The following PLEKHA5 variants were observed in gnomAD, a reference collection of about 807,000 sequenced individuals.
PLEKHA5 encodes the protein pleckstrin homology domain-containing family A member 5.
In PLEKHA5, 55 loss-of-function variants were observed where a neutral mutation model predicts 181.9. The ratio of observed to expected loss-of-function variants is 0.30; its 90% CI spans 0.24 to 0.38. The LOEUF (loss-of-function observed/expected upper bound fraction) is 0.38, where lower values mean the gene tolerates loss of function less well. Ranked by LOEUF, PLEKHA5 falls within the 10% of genes least tolerant of loss-of-function variation. The pLI, the probability that PLEKHA5 is intolerant of heterozygous loss-of-function variation, is 1.00. For synonymous variants in PLEKHA5, 535 were observed against 529.4 expected, an observed-to-expected ratio of 1.01 and a Z score of -0.15; for missense variants, 1,432 against 1,549.5, an observed-to-expected ratio of 0.92 and a Z score of 1.27.
chr12:19,306,854 C>T (rs987791452), intron 15 of PLEKHA5: 1 of 791,092 alleles, frequency 1.3e-6, no homozygotes, highest in Non-Finnish European at 2.2e-6. Flanking sequence ...TGATAACGTA[C>T]CATATGCAGA....
chr12:19,158,580 C>G (rs1167306195), intron 3 of PLEKHA5, among the ~76,000 whole-genome samples: 1 of 152,078 alleles, frequency 6.6e-6, no homozygotes, highest in Non-Finnish European at 1.5e-5. Flanking sequence ...AACAAAAAAG[C>G]ACTAGTACCT....
chr12:19,156,920 G>A (rs1304223862), intron 3 of PLEKHA5, among the ~76,000 whole-genome samples: 2 of 151,464 alleles, frequency 1.3e-5, no homozygotes, highest in African/African-American at 4.8e-5. Flanking sequence ...AATTAGCTGG[G>A]CATGGTGGCA....
rs975550019 is a variant in PLEKHA5 at position 19,322,214 on chromosome 12, A to G, written c.2218-96A>G. 6 of 729,744 alleles carry G rather than the reference A, an allele frequency of 8.2e-6. No homozygotes were observed. The African/African-American group carries it at 1.1e-4, about 13-fold the overall frequency. The allele number at this position is 729,744 out of a possible 1,614,324, so 45.2% of individuals were successfully genotyped here. Reference sequence around the variant, plus strand: ...GTAAGCTATATTTTAACTTTTATTGATTGAAATATAGATTTTTGGTCATAT... The same window carrying G: ...GTAAGCTATATTTTAACTTTTATTGGTTGAAATATAGATTTTTGGTCATAT... On this transcript the variant is annotated intron_variant, in intron 18 of 31. Transcript: ENST00000429027.
At chr12:19,369,981 G>C (rs1356927586) in intron 31 of PLEKHA5, among the ~76,000 whole-genome samples, 183 bp downstream of exon 31, 1 of 152,250 alleles carries the variant, frequency 6.6e-6, no homozygotes, top group African/African-American at 2.4e-5. Flanking sequence ...CTCCTCTGAT[G>C]ATTTGCTGTG....
intron 15 of PLEKHA5, among the ~76,000 whole-genome samples, chr12:19,311,242 A>G (rs2086389347): frequency 6.6e-6 from 1 of 150,476 alleles, no homozygotes; most frequent in Non-Finnish European, 1.5e-5. Flanking sequence ...CCTTGGCAAC[A>G]TACCAAGACC....
chr12:19,278,190 C>T (rs2075119962), intron 11 of PLEKHA5, among the ~76,000 whole-genome samples: 1 of 152,110 alleles, frequency 6.6e-6, no homozygotes, highest in Admixed American at 6.6e-5. Context: ...CCAAAGATGA[C>T]AGAAGAGCCT....
chr12:19,258,349 G>A (rs966896263), intron 6 of PLEKHA5, among the ~76,000 whole-genome samples: 24 of 151,902 alleles, frequency 1.6e-4, no homozygotes, highest in African/African-American at 3.9e-4. Context: ...TTCTATATAC[G>A]TACAGATGAT....
chr12:19,163,669 C>CTAT (rs2043522702), intron 3 of PLEKHA5, among the ~76,000 whole-genome samples: 2 of 150,640 alleles, frequency 1.3e-5, no homozygotes, highest in Admixed American at 6.6e-5. Flanking sequence ...GTGTGGTCTT[C>CTAT]CTATCTATCT....
rs780869913 is a variant in PLEKHA5, at chr12:19,361,646, C to A, written c.3548C>A (p.Ser1183Tyr). 2 of 1,582,566 alleles carry A rather than the reference C, an allele frequency of 1.3e-6. No homozygotes were observed. The highest frequency in any genetic ancestry group is 2.3e-5 in the South Asian group (2 of 88,210). Reference sequence around the variant, plus strand: ...GAACCTGAGCCAAATGGAGTAAATTCTGTGGAAATGATGGATAAAGAAAGA... The same window carrying A: ...GAACCTGAGCCAAATGGAGTAAATTATGTGGAAATGATGGATAAAGAAAGA... ...LFEPEPNGVNSVEMMDKERNK... is the reference protein window; with the variant it reads ...LFEPEPNGVNYVEMMDKERNK... Residue 1183 changes from serine (S) to tyrosine (Y), a missense_variant, in exon 29 of 32, where the codon TCT (serine) becomes TAT (tyrosine). Around this residue, in one of 2 missense-constraint regions of PLEKHA5, gnomAD observed 1,143 missense variants for 1,168.4 expected, o/e 0.98. Coordinates refer to ENST00000429027, the MANE Select transcript of PLEKHA5 (RefSeq NM_001256470.2).
In PLEKHA5 at chr12:19,354,856, A is replaced by G. The variant is rs146310344; in HGVS notation, c.3138+854A>G. On this transcript the variant is annotated intron_variant, in intron 26 of 31. Coordinates refer to ENST00000429027, the MANE Select transcript of PLEKHA5 (RefSeq NM_001256470.2). ...CACCTAATTTAAGTTTCTTTTGATC[A>G]GCCTAGACATGGGGTCATAGTCGTA... 2.6e-5 allele frequency among the ~76,000 whole-genome samples: 4 copies of G among 152,316 alleles called. No individual in the cohort carries two copies. The East Asian group carries it at 7.7e-4, about 29-fold the overall frequency.
intron 29 of PLEKHA5, among the ~76,000 whole-genome samples, chr12:19,365,690 T>C (rs2095405859): frequency 6.6e-6 from 1 of 152,134 alleles, no homozygotes; most frequent in Non-Finnish European, 1.5e-5. Flanking sequence ...AAATTAAATA[T>C]CATATGTAGA....
Position 19,180,797 on chromosome 12 carries a change from T to G in PLEKHA5, c.227+48347T>G, listed in dbSNP as rs990141354. 5.2e-4 allele frequency among the ~76,000 whole-genome samples: 78 copies of G among 149,608 alleles called. No homozygotes were observed. The South Asian group carries it at 7.6e-3, about 15-fold the overall frequency. On this transcript the variant is annotated intron_variant, in intron 3 of 31. Transcript: ENST00000429027. ...ATATATCTTTGAAAAATATAGTGTT[T>G]TTTTTTTTTTAAACTGTATTCCAAA...
intron 20 of PLEKHA5, among the ~76,000 whole-genome samples, chr12:19,329,800 G>T (rs953267564): frequency 1.3e-5 from 2 of 151,996 alleles, no homozygotes; most frequent in Non-Finnish European, 2.9e-5. Context: ...TCCCCAGGCT[G>T]GTGTGGTGGC....
Position 19,366,223 on chromosome 12 carries a change from G to A in PLEKHA5, c.3754+114G>A, listed in dbSNP as rs71539468. Reference sequence around the variant, plus strand: ...TCGCTTAAGTACCTTGACTACAGATGAGTCAACGTTTGCCTCCCCAAGTGT... The same window carrying A: ...TCGCTTAAGTACCTTGACTACAGATAAGTCAACGTTTGCCTCCCCAAGTGT... On this transcript the variant is annotated intron_variant, in intron 30 of 31. Transcript: ENST00000429027. 4.1e-4 allele frequency: 346 copies of A among 846,470 alleles called. No individual in the cohort carries two copies. In the Middle Eastern group the frequency reaches 5.6e-3, roughly 14 times the overall value. The allele number at this position is 846,470 out of a possible 1,614,324, so 52.4% of individuals were successfully genotyped here.
At chr12:19,308,821 G>A (rs1047361623) in intron 15 of PLEKHA5, among the ~76,000 whole-genome samples, 5 of 151,896 alleles carry the variant, frequency 3.3e-5, no homozygotes, top group Non-Finnish European at 5.9e-5. Context: ...CCGAAGGGGG[G>A]CAGATCACCT....
chr12:19,336,614 C>G lies in PLEKHA5; in HGVS notation c.2548C>G (p.Gln850Glu), dbSNP rs781757700. The G allele has an allele frequency of 6.5e-7, 1 of 1,534,540 alleles. No homozygotes were observed. Among genetic ancestry groups the G allele is most frequent in the East Asian group, 2.2e-5 (1 of 44,448 alleles). Residue 850 changes from glutamine (Q) to glutamate (E), a missense_variant and splice_region_variant, in exon 21 of 32, where the codon CAG (glutamine) becomes GAG (glutamate). Physicochemically the swap from Gln to Glu is conservative, Grantham distance 29. Around this residue, in one of 2 missense-constraint regions of PLEKHA5, gnomAD observed 1,143 missense variants for 1,168.4 expected, o/e 0.98. Coordinates refer to ENST00000429027, the MANE Select transcript of PLEKHA5 (RefSeq NM_001256470.2). Reference sequence around the variant, plus strand: ...GCAGCTGGATCACCTTGGTGAAGTTCAGGTACAAAAGTATAATATTCTTTA... The same window carrying G: ...GCAGCTGGATCACCTTGGTGAAGTTGAGGTACAAAAGTATAATATTCTTTA... ...QEQLDHLGEV[Q>E]TESAGIQRAQ...
chr12:19,296,859 G>A (rs976766926), intron 15 of PLEKHA5, among the ~76,000 whole-genome samples: 2 of 152,198 alleles, frequency 1.3e-5, no homozygotes, highest in Non-Finnish European at 2.9e-5. Flanking sequence ...TAGGAATGGG[G>A]AAGTTGGAAC....
chr12:19,316,423 G>T (rs189735063), intron 16 of PLEKHA5, among the ~76,000 whole-genome samples: 14 of 149,748 alleles, frequency 9.3e-5, no homozygotes, highest in Admixed American at 8.7e-4. Context: ...GAAATGGGAA[G>T]GGCTGAGGGG....
intron 3 of PLEKHA5, among the ~76,000 whole-genome samples, chr12:19,244,634 G>A (rs1178636111): frequency 6.6e-6 from 1 of 152,128 alleles, no homozygotes; most frequent in African/African-American, 2.4e-5. Flanking sequence ...TTTCCCTTAA[G>A]GGAAATACAT....
Sources: gnomAD v4.1 joint callset for allele counts (sites outside exome capture counted in the v4.1 genomes callset) on GRCh38, gnomAD v4.1.1 for gene constraint, gnomAD v4.1.1 regional missense constraint, MANE v1.5 for transcripts, NCBI Gene and HGNC (gene_info 2026-07-23, HGNC 2026-07-21) for gene names.